Variants in COL5A2 observed in about 807,000 individuals in gnomAD.
The protein encoded by COL5A2 is collagen alpha-2(V) chain.
In COL5A2, 23 loss-of-function variants were observed where a neutral mutation model predicts 208.2. That is an observed-to-expected ratio of 0.11 (90% CI 0.08 to 0.16). The LOEUF is 0.16. COL5A2 is among the 10% of genes least tolerant of loss of function. The pLI, the probability that COL5A2 is intolerant of heterozygous loss-of-function variation, is 1.00. For synonymous variants in COL5A2, 625 were observed against 628.5 expected, an observed-to-expected ratio of 0.99 and a Z score of 0.08; for missense variants, 1,590 against 1,956.4, an observed-to-expected ratio of 0.81 and a Z score of 3.53.
At chr2:189,332,935 T>G in the COL5A2 span, among the ~76,000 whole-genome samples, 1 of 152,094 alleles carries the variant, frequency 6.6e-6, no homozygotes, top group Admixed American at 6.5e-5. Flanking sequence ...CCTCAAATAT[T>G]TGGAAATTAA....
chr2:189,205,138 C>T (rs1171801490), intron 1 of COL5A2, among the ~76,000 whole-genome samples: 2 of 152,168 alleles, frequency 1.3e-5, no homozygotes, highest in Non-Finnish European at 2.9e-5. Flanking sequence ...AGTATAATTT[C>T]TTCACACAAG....
intron 6 of COL5A2, among the ~76,000 whole-genome samples, chr2:189,093,916 T>G (rs994676106): frequency 6.6e-6 from 1 of 152,230 alleles, no homozygotes; most frequent in East Asian, 1.9e-4. Context: ...ATTCTGTTCT[T>G]GCAATGCTCA....
the COL5A2 span, among the ~76,000 whole-genome samples, chr2:189,326,798 C>T: frequency 0.57 from 85,774 of 151,434 alleles, 26,110 homozygotes; most frequent in East Asian, 0.71. Context: ...AGGCCAGGCG[C>T]GGTGGTTCAC....
chr2:189,150,174 C>A (rs1688116895), intron 1 of COL5A2, among the ~76,000 whole-genome samples: 2 of 152,160 alleles, frequency 1.3e-5, no homozygotes, highest in Admixed American at 6.5e-5. Context: ...AACAGGCTCA[C>A]AGTCTATAAT....
chr2:189,409,141 A>G, the COL5A2 span, among the ~76,000 whole-genome samples: 6 of 151,362 alleles, frequency 4.0e-5, no homozygotes, highest in African/African-American at 1.5e-4. Context: ...ATGACACAAG[A>G]TAGATTCTGC....
chr2:189,300,725 T>C, the COL5A2 span, among the ~76,000 whole-genome samples: 1 of 152,240 alleles, frequency 6.6e-6, no homozygotes, highest in African/African-American at 2.4e-5. Flanking sequence ...GCATCCATAC[T>C]GCAATAGGCA....
intron 50 of COL5A2, among the ~76,000 whole-genome samples, chr2:189,040,092 CT>C (rs1344583788): frequency 6.6e-6 from 1 of 152,110 alleles, no homozygotes; most frequent in Non-Finnish European, 1.5e-5. Context: ...ACAGGAAGTC[CT>C]TTTATGTGCA....
At chr2:189,375,889 A>G in the COL5A2 span, among the ~76,000 whole-genome samples, 2 of 152,104 alleles carry the variant, frequency 1.3e-5, no homozygotes, top group Non-Finnish European at 2.9e-5. Flanking sequence ...GAAATCTCCA[A>G]CTCTTGCTGG....
At position 189,032,482 on chromosome 2, in the gene COL5A2, T is replaced by C. The variant is rs928994756; in HGVS notation, c.*1588A>G. 1 of 152,126 alleles carries C rather than the reference T, an allele frequency of 6.6e-6. No homozygotes were observed. The highest frequency in any genetic ancestry group is 1.5e-5 in the Non-Finnish European group (1 of 68,006). 9.4% of individuals were successfully genotyped at this position (152,126 alleles called of 1,614,324 possible). ...TATTGGAAATGAAATAGATCTAATA[T>C]GGTCAAAGGAATTTCACAAAACAAA... On this transcript the variant is annotated 3_prime_UTR_variant, in exon 54 of 54. Coordinates refer to ENST00000374866, the MANE Select transcript of COL5A2 (RefSeq NM_000393.5).
At chr2:189,056,758 A>C (rs1478567496) in intron 35 of COL5A2, 1 of 604,206 alleles carries the variant, frequency 1.7e-6, no homozygotes, top group Non-Finnish European at 2.9e-6. Context: ...TCTCATAGGC[A>C]CAATAAATAT....
chr2:189,172,203 T>G (rs1260959890), intron 1 of COL5A2, among the ~76,000 whole-genome samples: 4 of 152,152 alleles, frequency 2.6e-5, no homozygotes, highest in African/African-American at 9.7e-5. Context: ...GGGAGAGAGC[T>G]GAACTTGTTT....
At chr2:189,157,182 TA>T (rs142048637) in intron 1 of COL5A2, among the ~76,000 whole-genome samples, 3,754 of 104,750 alleles carry the variant, frequency 0.036, 89 homozygotes, top group African/African-American at 0.11. Context: ...TCTATATATA[TA>T]GCTTAGCACA....
the COL5A2 span, among the ~76,000 whole-genome samples, chr2:189,232,676 T>A: frequency 6.6e-6 from 1 of 151,752 alleles, no homozygotes; most frequent in Non-Finnish European, 1.5e-5. Context: ...TGGAGGTGTT[T>A]CCTTTGGGAA....
In COL5A2 at chr2:189,056,161, G is replaced by A. The variant is rs540328400; in HGVS notation, c.2391+812C>T. On this transcript the variant is annotated intron_variant, in intron 35 of 53. Coordinates refer to ENST00000374866, the MANE Select transcript of COL5A2 (RefSeq NM_000393.5). ...ACCAATGTATTAACAATGACTCAAT[G>A]TGCAGAACCAAATAGCAGTTCTCTT... is the stretch of plus-strand genomic sequence containing the variant. Among the ~76,000 whole-genome samples the A allele has an allele frequency of 1.2e-4, 19 of 152,212 alleles. No homozygotes were observed. The South Asian group carries it at 3.7e-3, about 30-fold the overall frequency.
chr2:189,155,546 A>G (rs1388928885), intron 1 of COL5A2, among the ~76,000 whole-genome samples: 5 of 152,182 alleles, frequency 3.3e-5, no homozygotes, highest in Admixed American at 2.0e-4. Context: ...AGTAGCACTT[A>G]GATTTTAATT....
At chr2:189,321,167 C>T in the COL5A2 span, among the ~76,000 whole-genome samples, 1 of 152,158 alleles carries the variant, frequency 6.6e-6, no homozygotes, top group South Asian at 2.1e-4. Context: ...CTGAAGGAAG[C>T]ACTAAACATG....
the COL5A2 span, among the ~76,000 whole-genome samples, chr2:189,282,382 T>C: frequency 1.3e-5 from 2 of 152,136 alleles, no homozygotes; most frequent in African/African-American, 2.4e-5. Context: ...GGAATGTTAG[T>C]GCAAAGGTAA....
chr2:189,113,875 G>A (rs1033230242), intron 1 of COL5A2, among the ~76,000 whole-genome samples: 2 of 151,928 alleles, frequency 1.3e-5, no homozygotes, highest in African/African-American at 4.8e-5. Context: ...ACTCTTCAAG[G>A]AGTAGCTTAT....
At chr2:189,370,525 A>G in the COL5A2 span, among the ~76,000 whole-genome samples, 1 of 152,080 alleles carries the variant, frequency 6.6e-6, no homozygotes, top group South Asian at 2.1e-4. Context: ...TGGCTGTCAC[A>G]TTATCTAAAA....
Sources: allele counts gnomAD v4.1 joint callset (sites outside exome capture counted in the v4.1 genomes callset), GRCh38; gene constraint gnomAD v4.1.1; transcripts MANE v1.5; gene names NCBI Gene and HGNC (gene_info 2026-07-23, HGNC 2026-07-21).